The following ASNS variants were observed in gnomAD, a reference collection of about 807,000 sequenced individuals.
ASNS encodes the protein asparagine synthetase (glutamine-hydrolyzing), also known as asparagine synthetase [glutamine-hydrolyzing].
In ASNS, 37 loss-of-function variants were observed where a neutral mutation model predicts 62.6. The ratio of observed to expected loss-of-function variants is 0.59; its 90% CI spans 0.45 to 0.78. ASNS has a LOEUF of 0.78. Ranked by LOEUF, ASNS falls within the 30% of genes least tolerant of loss-of-function variation. The pLI is 0.00. For synonymous variants in ASNS, 207 were observed against 237.9 expected, an observed-to-expected ratio of 0.87 and a Z score of 1.19; for missense variants, 520 against 682.4, an observed-to-expected ratio of 0.76 and a Z score of 2.65.
the ASNS span, among the ~76,000 whole-genome samples, chr7:97,927,529 G>C: frequency 6.6e-6 from 1 of 152,382 alleles, no homozygotes; most frequent in African/African-American, 2.4e-5. Flanking sequence ...CCAGACTCGC[G>C]TTCCCAAGGT....
At chr7:97,861,540 G>A (rs1290743137) in intron 4 of ASNS, among the ~76,000 whole-genome samples, 1 of 152,132 alleles carries the variant, frequency 6.6e-6, no homozygotes. Context: ...CCTTCTGTCA[G>A]TATTATATTG....
At chr7:97,883,683 T>C in the ASNS span, among the ~76,000 whole-genome samples, 3 of 152,168 alleles carry the variant, frequency 2.0e-5, no homozygotes, top group African/African-American at 7.2e-5. Context: ...CTCTGCTGTG[T>C]CGGTTAACAA....
the ASNS span, among the ~76,000 whole-genome samples, chr7:97,893,975 A>G: frequency 6.6e-6 from 1 of 152,300 alleles, no homozygotes; most frequent in Non-Finnish European, 1.5e-5. Flanking sequence ...ATATGTTAGG[A>G]CACAGAACAA....
upstream of ASNS, chr7:97,872,541 C>T (rs1792339920): frequency 6.6e-6 from 1 of 152,392 alleles, no homozygotes; most frequent in African/African-American, 2.4e-5. Flanking sequence ...CGGAGCAGGA[C>T]TAAGTGGGGC....
intron 6 of ASNS, 30 bp downstream of exon 6, chr7:97,858,824 A>T (rs767849373): frequency 5.8e-6 from 9 of 1,560,334 alleles, no homozygotes; most frequent in Non-Finnish European, 7.8e-6. Flanking sequence ...CACACATGAA[A>T]TATAATTAGG....
the ASNS span, chr7:97,899,193 G>A: frequency 6.0e-5 from 15 of 248,590 alleles, no homozygotes; most frequent in Non-Finnish European, 1.2e-4. Context: ...TGTTGGCCAA[G>A]CTGCTCTTAA....
chr7:97,922,987 G>A, the ASNS span, among the ~76,000 whole-genome samples: 8 of 146,254 alleles, frequency 5.5e-5, no homozygotes, highest in Middle Eastern at 3.7e-3. Context: ...AGACAGTTCC[G>A]CCATGTTGGC....
chr7:97,909,895 C>T, the ASNS span, among the ~76,000 whole-genome samples: 1 of 152,020 alleles, frequency 6.6e-6, no homozygotes, highest in Non-Finnish European at 1.5e-5. Flanking sequence ...TGATTTTTGT[C>T]TCTCACTTAC....
At chr7:97,912,390 C>A in the ASNS span, among the ~76,000 whole-genome samples, 1 of 151,854 alleles carries the variant, frequency 6.6e-6, no homozygotes, top group East Asian at 1.9e-4. Flanking sequence ...TTTTACAAAG[C>A]AATCTTGTGG....
the ASNS span, among the ~76,000 whole-genome samples, chr7:97,924,675 G>A: frequency 6.6e-6 from 1 of 152,198 alleles, no homozygotes; most frequent in Admixed American, 6.5e-5. Context: ...TGGGGAACAG[G>A]CAAGTCTTGT....
intron 6 of ASNS, 95 bp downstream of exon 6, chr7:97,858,759 A>C: frequency 8.8e-7 from 1 of 1,140,520 alleles, no homozygotes; most frequent in Non-Finnish European, 1.3e-6. Context: ...TAAATCATAC[A>C]GTAAATATTT....
At chr7:97,896,741 C>CATATATATATATATATAT in the ASNS span, among the ~76,000 whole-genome samples, 316 of 19,666 alleles carry the variant, frequency 0.016, 28 homozygotes, top group Non-Finnish European at 0.029. Flanking sequence ...CACACACACA[C>CATATATATATATATATAT]ATATATATAT....
At chr7:97,883,275 A>T in the ASNS span, among the ~76,000 whole-genome samples, 3 of 152,362 alleles carry the variant, frequency 2.0e-5, no homozygotes. Context: ...GTTAAAAAAA[A>T]TACTGCAAAT....
chr7:97,857,503 C>T (rs1791501718), intron 7 of ASNS, among the ~76,000 whole-genome samples: 1 of 151,940 alleles, frequency 6.6e-6, no homozygotes, highest in Non-Finnish European at 1.5e-5. Flanking sequence ...CTTAAAATTT[C>T]CCCATAGCAG....
chr7:97,855,896 G>A (rs182801022), intron 8 of ASNS, among the ~76,000 whole-genome samples: 20 of 152,260 alleles, frequency 1.3e-4, no homozygotes, highest in Admixed American at 1.0e-3. Context: ...TTCACATAAA[G>A]CTGGGGAGAC....
chr7:97,851,894 T>G lies in ASNS; in HGVS notation c.*365A>C, dbSNP rs1462282747. ...AGGAATGTAGGCAGAACAAAAATAGTGTAGTCCTTTGATGACGTCCCTAAG... is the reference window on the plus strand; with the variant it reads ...AGGAATGTAGGCAGAACAAAAATAGGGTAGTCCTTTGATGACGTCCCTAAG... On this transcript the variant is annotated 3_prime_UTR_variant, in exon 13 of 13. Transcript: ENST00000394308. 1.2e-5 allele frequency: 3 copies of G among 248,752 alleles called. No individual in the cohort carries two copies. The highest frequency in any genetic ancestry group is 2.4e-5 in the Non-Finnish European group (3 of 126,722). 15.4% of individuals were successfully genotyped at this position (248,752 alleles called of 1,614,324 possible).
At chr7:97,853,931 A>G (rs540002622) in intron 10 of ASNS, among the ~76,000 whole-genome samples, 1 of 152,218 alleles carries the variant, frequency 6.6e-6, no homozygotes, top group Non-Finnish European at 1.5e-5. Context: ...GACCAGATTC[A>G]GTTCATTCCT....
Position 97,852,405 on chromosome 7 carries a change from C to T in ASNS, c.1540G>A (p.Glu514Lys). The T allele has an allele frequency of 6.2e-7, 1 of 1,614,102 alleles. No homozygotes were observed. The highest frequency in any genetic ancestry group is 8.5e-7 in the Non-Finnish European group (1 of 1,180,020). ...KFPFNTPKTKEGYYYRQVFER... is the reference protein window; with the variant it reads ...KFPFNTPKTKKGYYYRQVFER... The stretch of plus-strand genomic sequence containing the variant: ...AAGACTTGACGGTAGTAATATCCTT[C>T]TTTGGTTTTAGGAGTATTGAAGGGA... The change falls in exon 13 of 13, where the codon GAA (glutamate) becomes AAA (lysine). Residue 514 changes from glutamate (E) to lysine (K), a missense_variant. Transcript: ENST00000394308.
the ASNS span, among the ~76,000 whole-genome samples, chr7:97,925,432 T>C: frequency 6.6e-6 from 1 of 152,096 alleles, no homozygotes; most frequent in Non-Finnish European, 1.5e-5. Flanking sequence ...CTCCATGACA[T>C]TTGAAACCAT....
Sources: gnomAD v4.1 joint callset for allele counts (sites outside exome capture counted in the v4.1 genomes callset) on GRCh38, gnomAD v4.1.1 for gene constraint, MANE v1.5 for transcripts, NCBI Gene and HGNC (gene_info 2026-07-23, HGNC 2026-07-21) for gene names.